Variants in CA12 observed in about 807,000 individuals in gnomAD.
The protein encoded by CA12 is carbonate dehydratase XII.
Under a neutral mutation model 46.8 loss-of-function variants are expected in CA12, and 36 were observed. The ratio of observed to expected loss-of-function variants is 0.77; its 90% CI spans 0.59 to 1.02. The LOEUF is 1.02. CA12 is among the 50% of genes least tolerant of loss of function. The pLI is 0.00. For missense variants in CA12, 436 were observed against 451.4 expected (o/e 0.97, Z 0.31); for synonymous variants, 202 against 187.0 (o/e 1.08, Z -0.65).
rs568754326 is a variant in CA12 at position 63,328,014 on chromosome 15, G to A, written c.907+84C>T. 7.7e-7 allele frequency: 1 copy of A among 1,291,134 alleles called. No individual in the cohort carries two copies. The highest frequency in any genetic ancestry group is 2.3e-5 in the East Asian group (1 of 43,456). 80.0% of individuals were successfully genotyped at this position (1,291,134 alleles called of 1,614,324 possible). A position where few individuals can be genotyped will look rare whatever the true frequency, so the allele number is the denominator to read the frequency against. The stretch of plus-strand genomic sequence containing the variant: ...GGAGCCAGAGCAATAGTACAGAGAA[G>A]CAGAGAGGACGGGCTTGGATCACAC... On this transcript the variant is annotated intron_variant, in intron 9 of 10. Coordinates refer to ENST00000178638, the MANE Select transcript of CA12 (RefSeq NM_001218.5). The surrounding 1 kb of genome is among the most constrained non-coding windows in gnomAD (Gnocchi z 5.9).
At chr15:63,346,853 G>A in intron 2 of CA12, 144 bp from the exon 3 acceptor site, 2 of 954,356 alleles carry the variant, frequency 2.1e-6, no homozygotes, top group Non-Finnish European at 3.2e-6. Flanking sequence ...CAGAGTCTTG[G>A]CCTCCAGAAT....
Position 63,345,591 on chromosome 15 carries a change from G to A in CA12, c.315C>T (p.His105=), listed in dbSNP as rs202044432. Residue 105 remains histidine, a synonymous_variant, in exon 4 of 11, where the codon CAC becomes CAT. Coordinates refer to ENST00000178638, the MANE Select transcript of CA12 (RefSeq NM_001218.5). The surrounding 1 kb of genome is among the most constrained non-coding windows in gnomAD (Gnocchi z 4.3). ...TGTAGCGAGACTGGAGGCCCTGGATGTGCATGTCCGAGGGCAGGTTCAGCT... is the reference window on the plus strand; with the variant it reads ...TGTAGCGAGACTGGAGGCCCTGGATATGCATGTCCGAGGGCAGGTTCAGCT... ...SVKLNLPSDM[H]IQGLQSRYSA... The A allele has an allele frequency of 2.8e-5, 45 of 1,613,260 alleles. No homozygotes were observed. The African/African-American group carries it at 3.6e-4, about 13-fold the overall frequency.
intron 2 of CA12, among the ~76,000 whole-genome samples, chr15:63,356,582 A>G (rs11635794): frequency 1 from 151,736 of 151,736 alleles, 75,868 homozygotes; most frequent in Non-Finnish European, 1. Flanking sequence ...GGAATGCAGT[A>G]GCGTGATCTC....
chr15:63,328,075 C>T lies in CA12; in HGVS notation c.907+23G>A, dbSNP rs182064535. 2.8e-3 allele frequency: 4,426 copies of T among 1,608,278 alleles called. 31 individuals are homozygous for T. The highest frequency in any genetic ancestry group is 0.016 in the South Asian group (1,434 of 90,944). On this transcript the variant is annotated intron_variant, in intron 9 of 10. Transcript: ENST00000178638. The surrounding 1 kb of genome is among the most constrained non-coding windows in gnomAD (Gnocchi z 5.9). Reference sequence around the variant, plus strand: ...AGTGATCACCCAGCTGCAGCATGCACGGCTGGCTGCCCAGCCACATACCCA... The same window carrying T: ...AGTGATCACCCAGCTGCAGCATGCATGGCTGGCTGCCCAGCCACATACCCA...
At chr15:63,358,334 G>C (rs2039318034) in intron 2 of CA12, among the ~76,000 whole-genome samples, 1 of 152,230 alleles carries the variant, frequency 6.6e-6, no homozygotes, top group South Asian at 2.1e-4. Context: ...TGAGTGAAAA[G>C]AGAAAACTTC....
chr15:63,351,160 A>G (rs2039225187), intron 2 of CA12, among the ~76,000 whole-genome samples: 1 of 152,218 alleles, frequency 6.6e-6, no homozygotes, highest in African/African-American at 2.4e-5. Context: ...TTGATGGTGG[A>G]ATGCCTCATC....
Position 63,345,148 on chromosome 15 carries a change from A to T in CA12, c.429+329T>A, listed in dbSNP as rs569482200. Among the ~76,000 whole-genome samples, 3 of 152,310 alleles carry T rather than the reference A, an allele frequency of 2.0e-5. No individual in the cohort carries two copies. In the South Asian group the frequency reaches 6.2e-4, roughly 32 times the overall value. The stretch of plus-strand genomic sequence containing the variant: ...CAGTGTGAGTCAGCAGGAGATTTTT[A>T]TCTGCACAGATAGGAAGGCAATGTC... On this transcript the variant is annotated intron_variant, in intron 4 of 10. Transcript: ENST00000178638. This position sits in a 1 kb window ranked among gnomAD's most constrained non-coding sequence, Gnocchi z 4.3.
In CA12 at chr15:63,327,715, C is replaced by A. The variant is rs540605604; in HGVS notation, c.907+383G>T. 2.2e-3 allele frequency among the ~76,000 whole-genome samples: 336 copies of A among 152,228 alleles called. 2 individuals carry two copies. Among genetic ancestry groups the A allele is most frequent in the African/African-American group, 7.8e-3 (324 of 41,514 alleles). On this transcript the variant is annotated intron_variant, in intron 9 of 10. Coordinates refer to ENST00000178638, the MANE Select transcript of CA12 (RefSeq NM_001218.5). This position sits in a 1 kb window ranked among gnomAD's most constrained non-coding sequence, Gnocchi z 4.5. ...CCATTGGCTGTCTCCATCAGTTTTG[C>A]CCCCAAGTTCCATTGCACAGTCCTA... is the stretch of plus-strand genomic sequence containing the variant.
chr15:63,359,651 A>C (rs1310784772), intron 2 of CA12, among the ~76,000 whole-genome samples: 3 of 152,238 alleles, frequency 2.0e-5, no homozygotes, highest in Non-Finnish European at 4.4e-5. Context: ...TCCGTTCTAC[A>C]TGCTTCAGAA....
At chr15:63,369,390 GT>G (rs1484387708) in intron 2 of CA12, among the ~76,000 whole-genome samples, 3 of 152,198 alleles carry the variant, frequency 2.0e-5, no homozygotes, top group Admixed American at 2.0e-4. Context: ...AGAAACTACA[GT>G]TAGCTTTGTA....
chr15:63,328,154 G>A lies in CA12; in HGVS notation c.875-24C>T, dbSNP rs757189802. The stretch of plus-strand genomic sequence containing the variant: ...CACTTAAAAGGGGAGAGGAAAAGAC[G>A]AGGTTACTCTAGAGTCAAACCACAC... On this transcript the variant is annotated intron_variant, in intron 8 of 10. Transcript: ENST00000178638. This position sits in a 1 kb window ranked among gnomAD's most constrained non-coding sequence, Gnocchi z 5.9. The A allele has an allele frequency of 1.7e-5, 27 of 1,611,308 alleles. No individual in the cohort carries two copies. Among genetic ancestry groups the A allele is most frequent in the Middle Eastern group, 1.6e-4 (1 of 6,082 alleles).
At chr15:63,338,785 C>T (rs370393246) in intron 8 of CA12, 34 bp downstream of exon 8, 66 of 1,612,894 alleles carry the variant, frequency 4.1e-5, no homozygotes, top group African/African-American at 3.7e-4. Context: ...ACCACACTCC[C>T]GCACCCCCTC....
At chr15:63,333,490 C>T (rs1048900183) in intron 8 of CA12, among the ~76,000 whole-genome samples, 3 of 152,218 alleles carry the variant, frequency 2.0e-5, no homozygotes, top group African/African-American at 4.8e-5. Context: ...CCTGACTGTT[C>T]GGCCTCTGAC....
Position 63,328,962 on chromosome 15 carries a change from A to T in CA12, c.875-832T>A, listed in dbSNP as rs773045471. Among the ~76,000 whole-genome samples, 1 of 152,172 alleles carries T rather than the reference A, an allele frequency of 6.6e-6. No homozygotes were observed. On this transcript the variant is annotated intron_variant, in intron 8 of 10. Coordinates refer to ENST00000178638, the MANE Select transcript of CA12 (RefSeq NM_001218.5). This position sits in a 1 kb window ranked among gnomAD's most constrained non-coding sequence, Gnocchi z 5.9. ...GTGATCCACCTGCCTCGGCCTCCCA[A>T]ACTATGGGGATTACAGGTGTGAGCC...
intron 2 of CA12, among the ~76,000 whole-genome samples, chr15:63,350,491 T>C (rs546872359): frequency 1.3e-5 from 2 of 152,358 alleles, no homozygotes; most frequent in East Asian, 3.9e-4. Flanking sequence ...TCCAGTTGGT[T>C]GGACTCCTCC....
chr15:63,367,173 G>A (rs1241194389), intron 2 of CA12, among the ~76,000 whole-genome samples: 4 of 152,110 alleles, frequency 2.6e-5, no homozygotes, highest in Non-Finnish European at 4.4e-5. Flanking sequence ...CACCCGCCTC[G>A]GCCTCCCAAG....
chr15:63,340,675 C>T lies in CA12; in HGVS notation c.589+45G>A, dbSNP rs985564225. On this transcript the variant is annotated intron_variant, in intron 6 of 10. Coordinates refer to ENST00000178638, the MANE Select transcript of CA12 (RefSeq NM_001218.5). The surrounding 1 kb of genome is among the most constrained non-coding windows in gnomAD (Gnocchi z 4.4). ...CTTAAAGTCACACAGGGCTGACTAC[C>T]TCCTTCTCCAGCAGAGAGTGAATAT... is the stretch of plus-strand genomic sequence containing the variant. 3 of 1,585,332 alleles carry T rather than the reference C, an allele frequency of 1.9e-6. No individual in the cohort carries two copies. The highest frequency in any genetic ancestry group is 2.6e-6 in the Non-Finnish European group (3 of 1,153,784).
intron 8 of CA12, among the ~76,000 whole-genome samples, chr15:63,334,131 C>G (rs1862655332): frequency 1.3e-5 from 2 of 151,868 alleles, no homozygotes; most frequent in Non-Finnish European, 2.9e-5. Flanking sequence ...GAGCACCTGA[C>G]TTGAAACCCG....
rs1279611880 is a variant in CA12 at position 63,348,822 on chromosome 15, G to A, written c.107-2113C>T. ...GAACCCATATTATAAGTAGGGTCACGTGCCCCCATGGGCATTTAGGAAACA... is the reference window on the plus strand; with the variant it reads ...GAACCCATATTATAAGTAGGGTCACATGCCCCCATGGGCATTTAGGAAACA... On this transcript the variant is annotated intron_variant, in intron 2 of 10. Transcript: ENST00000178638. This position sits in a 1 kb window ranked among gnomAD's most constrained non-coding sequence, Gnocchi z 4.6. Among the ~76,000 whole-genome samples, 4 of 152,192 alleles carry A rather than the reference G, an allele frequency of 2.6e-5. No individual in the cohort carries two copies. Among genetic ancestry groups the A allele is most frequent in the South Asian group, 4.1e-4 (2 of 4,832 alleles).
Sources: allele counts gnomAD v4.1 joint callset (sites outside exome capture counted in the v4.1 genomes callset), GRCh38; gene constraint gnomAD v4.1.1; non-coding constraint Gnocchi (gnomAD v3.1); transcripts MANE v1.5; gene names NCBI Gene and HGNC (gene_info 2026-07-23, HGNC 2026-07-21).